Variants in AQR observed in about 807,000 individuals in gnomAD.
The protein encoded by AQR is RNA helicase aquarius.
In AQR, 61 loss-of-function variants were observed where a neutral mutation model predicts 180.5. That is an observed-to-expected ratio of 0.34 (90% CI 0.28 to 0.42). The LOEUF (loss-of-function observed/expected upper bound fraction) is 0.42. AQR is among the 10% of genes least tolerant of loss of function. The probability of loss-of-function intolerance (pLI) is 1.00; values close to 1 mark genes in which losing one functional copy is unlikely to be tolerated. For synonymous variants in AQR, 551 were observed against 588.8 expected, an observed-to-expected ratio of 0.94 and a Z score of 0.93; for missense variants, 1,281 against 1,798.3, an observed-to-expected ratio of 0.71 and a Z score of 5.20.
intron 5 of AQR, among the ~76,000 whole-genome samples, chr15:34,946,964 G>T (rs1308171847): frequency 6.6e-6 from 1 of 150,552 alleles, no homozygotes; most frequent in Non-Finnish European, 1.5e-5. Flanking sequence ...CGCCTACTGG[G>T]AAGTGAGGAG....
rs116113773 is a variant in AQR, at chr15:34,920,319, C to T, written c.1221+13G>A. On this transcript the variant is annotated intron_variant, in intron 14 of 34. Transcript: ENST00000156471. ...AAAACCACATGCAAAATTCAGAGAACATTAATATTTACCAGCAATTCTAGA... is the reference window on the plus strand; with the variant it reads ...AAAACCACATGCAAAATTCAGAGAATATTAATATTTACCAGCAATTCTAGA... 2.4e-3 allele frequency: 3,768 copies of T among 1,569,286 alleles called. 80 individuals carry two copies. The African/African-American group carries it at 0.046, about 19-fold the overall frequency.
intron 13 of AQR, among the ~76,000 whole-genome samples, chr15:34,926,481 C>G (rs1355708696): frequency 2.0e-5 from 3 of 152,188 alleles, no homozygotes; most frequent in Non-Finnish European, 4.4e-5. Flanking sequence ...AATTACTTAA[C>G]TATTCTATGC....
chr15:34,875,224 A>C (rs76786179), intron 28 of AQR, among the ~76,000 whole-genome samples: 2,047 of 152,286 alleles, frequency 0.013, 50 homozygotes, highest in African/African-American at 0.047. Context: ...GAAAGATGCG[A>C]AATAAACATG....
rs1376126108 is a variant in AQR, at chr15:34,910,171, G to C, written c.1627C>G (p.Leu543Val). 1.2e-6 allele frequency: 2 copies of C among 1,614,042 alleles called. No homozygotes were observed. The highest frequency in any genetic ancestry group is 2.7e-5 in the African/African-American group (2 of 74,942). The part of the protein sequence containing the change: ...TRVRADVTIN[L>V]NVRDHIKDEW... Reference sequence around the variant, plus strand: ...TCTTTGATGTGATCTCTGACATTGAGATTTATGGTAACATCTGCACGAACT... The same window carrying C: ...TCTTTGATGTGATCTCTGACATTGACATTTATGGTAACATCTGCACGAACT... The change falls in exon 17 of 35, where the codon CTC becomes GTC. Residue 543 changes from leucine (L) to valine (V), a missense_variant. Leu to Val is a conservative substitution (Grantham distance 32). Around this residue, in one of 9 missense-constraint regions of AQR, gnomAD observed 200 missense variants for 293.4 expected, o/e 0.68. Coordinates refer to ENST00000156471, the MANE Select transcript of AQR (RefSeq NM_014691.3).
intron 8 of AQR, among the ~76,000 whole-genome samples, chr15:34,939,140 C>G (rs1441392768): frequency 6.6e-6 from 1 of 152,212 alleles, no homozygotes; most frequent in Non-Finnish European, 1.5e-5. Flanking sequence ...GCGATTTCAG[C>G]TCACTGCAAC....
intron 5 of AQR, among the ~76,000 whole-genome samples, chr15:34,947,019 G>T (rs1894138015): frequency 6.6e-6 from 1 of 152,242 alleles, no homozygotes; most frequent in Admixed American, 6.5e-5. Context: ...GTGCCCAACA[G>T]CTCATTGAGA....
chr15:34,918,396 A>C lies in AQR; in HGVS notation c.1222-18T>G, dbSNP rs1951856178. 6.2e-7 allele frequency: 1 copy of C among 1,610,194 alleles called. No homozygotes were observed. Among genetic ancestry groups the C allele is most frequent in the Non-Finnish European group, 8.5e-7 (1 of 1,178,814 alleles). ...CGAGATACCTAAAATAAAGGAAACA[A>C]GTTCATGCAGAAGGTTAGAAGCATC... On this transcript the variant is annotated intron_variant, in intron 14 of 34. Coordinates refer to ENST00000156471, the MANE Select transcript of AQR (RefSeq NM_014691.3).
At chr15:34,921,903 C>T (rs992819856) in intron 13 of AQR, among the ~76,000 whole-genome samples, 9 of 152,128 alleles carry the variant, frequency 5.9e-5, no homozygotes, top group Non-Finnish European at 7.4e-5. Context: ...CTCCACCTCC[C>T]GGGCTTAAGC....
rs1892696517 is a variant in AQR, at chr15:34,863,240, T to A, written c.3855-199A>T. The A allele has an allele frequency of 2.3e-5, 11 of 487,992 alleles. 1 individual carries two copies. The South Asian group carries it at 3.8e-4, about 17-fold the overall frequency. The allele number at this position is 487,992 out of a possible 1,614,324, so 30.2% of individuals were successfully genotyped here. A position where few individuals can be genotyped will look rare whatever the true frequency, so the allele number is the denominator to read the frequency against. On this transcript the variant is annotated intron_variant, in intron 32 of 34. Coordinates refer to ENST00000156471, the MANE Select transcript of AQR (RefSeq NM_014691.3). ...AAAAGTTAAGGCTTTATTACTAACC[T>A]CTTGTTGGTTTTTTGAAGGGGAGGA...
chr15:34,964,913 A>G (rs1192726750), intron 1 of AQR, among the ~76,000 whole-genome samples: 2 of 152,198 alleles, frequency 1.3e-5, no homozygotes, highest in Non-Finnish European at 2.9e-5. Context: ...AGTCTTATTC[A>G]TAGGGTTTTG....
At chr15:34,905,414 T>TA in intron 18 of AQR, among the ~76,000 whole-genome samples, 1 of 152,178 alleles carries the variant, frequency 6.6e-6, no homozygotes, top group Non-Finnish European at 1.5e-5. Context: ...TAATAAGTGA[T>TA]ACACATAAGA....
At chr15:34,936,588 C>T (rs1893948542) in intron 9 of AQR, among the ~76,000 whole-genome samples, 2 of 151,986 alleles carry the variant, frequency 1.3e-5, no homozygotes, top group African/African-American at 4.8e-5. Flanking sequence ...TGGTGGTGTG[C>T]ACCTGTAGTA....
At chr15:34,910,891 TTATG>T (rs1893489868) in intron 16 of AQR, among the ~76,000 whole-genome samples, 1 of 152,170 alleles carries the variant, frequency 6.6e-6, no homozygotes, top group African/African-American at 2.4e-5. Flanking sequence ...ATCTCCAAAC[TTATG>T]TATCTTGTAA....
At chr15:34,857,556 C>A (rs1244503948) in intron 34 of AQR, among the ~76,000 whole-genome samples, 2 of 152,134 alleles carry the variant, frequency 1.3e-5, no homozygotes, top group Non-Finnish European at 2.9e-5. Flanking sequence ...TCGAGACTAG[C>A]CTGGCCAACA....
chr15:34,862,272 C>T (rs1433773448), intron 33 of AQR, among the ~76,000 whole-genome samples: 1 of 152,102 alleles, frequency 6.6e-6, no homozygotes, highest in Admixed American at 6.5e-5. Context: ...CCTTACAAAG[C>T]TGAAGACAAA....
intron 13 of AQR, among the ~76,000 whole-genome samples, chr15:34,925,185 C>T (rs1230912121): frequency 1.3e-5 from 2 of 151,594 alleles, no homozygotes; most frequent in African/African-American, 4.9e-5. Context: ...AGATGACAAG[C>T]AATGAAATGC....
At chr15:34,924,919 T>TAAAAAAAAAA (rs34745223) in intron 13 of AQR, among the ~76,000 whole-genome samples, 1 of 134,012 alleles carries the variant, frequency 7.5e-6, no homozygotes, top group African/African-American at 2.8e-5. Context: ...AAGCTAAATG[T>TAAAAAAAAAA]AAAAAAAAAA....
intron 2 of AQR, among the ~76,000 whole-genome samples, chr15:34,961,612 CAAA>C (rs1178777471): frequency 3.7e-5 from 1 of 26,860 alleles, no homozygotes; most frequent in Non-Finnish European, 6.7e-5. Flanking sequence ...GACTCCATCT[CAAA>C]AAAAAAAAAA....
chr15:34,896,643 T>C (rs1449899785), intron 22 of AQR, among the ~76,000 whole-genome samples: 1 of 150,650 alleles, frequency 6.6e-6, no homozygotes, highest in Non-Finnish European at 1.5e-5. Context: ...AGGTCAAGAG[T>C]TCGAGACCAG....
Sources: gnomAD v4.1 joint callset for allele counts (sites outside exome capture counted in the v4.1 genomes callset) on GRCh38, gnomAD v4.1.1 for gene constraint, gnomAD v4.1.1 regional missense constraint, MANE v1.5 for transcripts, NCBI Gene and HGNC (gene_info 2026-07-23, HGNC 2026-07-21) for gene names.